Variants in HDAC9 observed in about 807,000 individuals in gnomAD.
The protein encoded by HDAC9 is MEF-2 interacting transcription repressor (MITR) protein.
In HDAC9, 41 loss-of-function variants were observed where a neutral mutation model predicts 139.4. The observed-to-expected ratio is 0.29, with a 90% CI of 0.23 to 0.38. The LOEUF (loss-of-function observed/expected upper bound fraction) is 0.38. Ranked by LOEUF, HDAC9 falls within the 10% of genes least tolerant of loss-of-function variation. HDAC9 has a pLI of 1.00. For missense variants in HDAC9, 1,147 were observed against 1,297.0 expected (o/e 0.88, Z 1.78); for synonymous variants, 517 against 476.2 (o/e 1.09, Z -1.12).
At chr7:18,558,954 T>C (rs928446183) in intron 2 of HDAC9, among the ~76,000 whole-genome samples, 6 of 152,120 alleles carry the variant, frequency 3.9e-5, no homozygotes, top group African/African-American at 1.2e-4. Context: ...AGTGGTGACA[T>C]TGGGAAGTGA....
At chr7:18,668,290 G>T (rs1182512676) in intron 12 of HDAC9, 1 of 958,504 alleles carries the variant, frequency 1.0e-6, no homozygotes, top group African/African-American at 1.8e-5. Flanking sequence ...AACATATTTT[G>T]GTTAGTATAT....
chr7:18,096,196 A>G (rs555859189), intron 1 of HDAC9, among the ~76,000 whole-genome samples: 121 of 152,312 alleles, frequency 7.9e-4, no homozygotes, highest in African/African-American at 2.6e-3. Flanking sequence ...CAGAGATAGG[A>G]TGCATGCATT....
At chr7:18,643,477 C>T (rs1026820660) in intron 8 of HDAC9, among the ~76,000 whole-genome samples, 5 of 152,050 alleles carry the variant, frequency 3.3e-5, no homozygotes, top group African/African-American at 9.7e-5. Context: ...ACCTTGTGCT[C>T]TTATTATGTT....
chr7:18,204,291 T>C lies in HDAC9; in HGVS notation c.25+41942T>C, dbSNP rs1791342003. On this transcript the variant is annotated intron_variant, in intron 2 of 12. Coordinates refer to the HDAC9 transcript ENST00000417496. ...TACAGACAGATTTATAAAGTTTTGCTATTACAAATTATGGCACCACAAATA... is the reference window on the plus strand; with the variant it reads ...TACAGACAGATTTATAAAGTTTTGCCATTACAAATTATGGCACCACAAATA... 4.0e-5 allele frequency among the ~76,000 whole-genome samples: 6 copies of C among 151,802 alleles called. 1 individual carries two copies. The South Asian group carries it at 1.2e-3, about 31-fold the overall frequency.
chr7:18,133,070 G>A (rs1264188980), intron 1 of HDAC9, among the ~76,000 whole-genome samples: 1 of 152,092 alleles, frequency 6.6e-6, no homozygotes, highest in Non-Finnish European at 1.5e-5. Flanking sequence ...TGGTCTGTTT[G>A]TCAAGGAAAG....
intron 16 of HDAC9, among the ~76,000 whole-genome samples, chr7:18,768,395 G>C (rs1271629869): frequency 6.6e-6 from 1 of 152,108 alleles, no homozygotes; most frequent in East Asian, 1.9e-4. Context: ...CAGCGCAGCA[G>C]TGTGGCTGAT....
chr7:18,139,396 G>A (rs1040945172), intron 1 of HDAC9, among the ~76,000 whole-genome samples: 26 of 152,188 alleles, frequency 1.7e-4, no homozygotes, highest in African/African-American at 6.3e-4. Flanking sequence ...CAAAGTGTTG[G>A]GACTACAGGT....
chr7:18,252,921 A>G (rs769840078), intron 2 of HDAC9, among the ~76,000 whole-genome samples: 4 of 151,680 alleles, frequency 2.6e-5, no homozygotes, highest in Admixed American at 1.3e-4. Context: ...TCCCTCTTCC[A>G]TCCTCCACCC....
intron 11 of HDAC9, among the ~76,000 whole-genome samples, chr7:18,661,535 T>C (rs1793133844): frequency 6.6e-6 from 1 of 152,108 alleles, no homozygotes; most frequent in African/African-American, 2.4e-5. Flanking sequence ...CTACTCTTTT[T>C]TTTTAAATCA....
chr7:18,640,382 A>G (rs1323334307), intron 8 of HDAC9, among the ~76,000 whole-genome samples: 1 of 150,176 alleles, frequency 6.7e-6, no homozygotes, highest in African/African-American at 2.4e-5. Context: ...AAAAAAAAAA[A>G]AAAAGGAAAA....
At position 18,655,468 on chromosome 7, in the gene HDAC9, C is replaced by T. The variant is rs184735557; in HGVS notation, c.1467+6785C>T. On this transcript the variant is annotated intron_variant, in intron 11 of 25. Transcript: ENST00000686413. ...CAATATAAATAGATTCTTTTAAATA[C>T]GTAGTACTAGGTCTCCAAAAAAATC... Among the ~76,000 whole-genome samples the T allele has an allele frequency of 6.6e-5, 10 of 152,160 alleles. No homozygotes were observed. In the East Asian group the frequency reaches 1.6e-3, roughly 24 times the overall value.
intron 2 of HDAC9, among the ~76,000 whole-genome samples, chr7:18,535,977 A>G (rs1383819782): frequency 6.6e-6 from 1 of 152,156 alleles, no homozygotes; most frequent in Admixed American, 6.5e-5. Context: ...GCCCCACTCA[A>G]ACCTCCCAGG....
intron 2 of HDAC9, chr7:18,509,389 C>A (rs1003072153): frequency 4.1e-6 from 4 of 985,336 alleles, no homozygotes; most frequent in Non-Finnish European, 4.8e-6. Context: ...AGACTGAGAC[C>A]GAGCCAAACT....
chr7:18,970,933 G>A (rs563428137), intron 24 of HDAC9, among the ~76,000 whole-genome samples: 84 of 152,262 alleles, frequency 5.5e-4, no homozygotes, highest in African/African-American at 1.9e-3. Flanking sequence ...GAAAACTTTT[G>A]GTAGATAGGT....
chr7:18,651,529 A>G (rs1789257558), intron 11 of HDAC9, among the ~76,000 whole-genome samples: 1 of 152,154 alleles, frequency 6.6e-6, no homozygotes, highest in African/African-American at 2.4e-5. Context: ...ATTTGTAGTA[A>G]TGTGTTTGAA....
At chr7:18,641,882 A>G (rs1483800494) in intron 8 of HDAC9, among the ~76,000 whole-genome samples, 1 of 152,112 alleles carries the variant, frequency 6.6e-6, no homozygotes, top group Non-Finnish European at 1.5e-5. Flanking sequence ...AGCAGTGTAG[A>G]CTATGGCTCC....
intron 2 of HDAC9, among the ~76,000 whole-genome samples, chr7:18,187,226 A>G (rs1314194335): frequency 6.6e-6 from 1 of 152,242 alleles, no homozygotes; most frequent in African/African-American, 2.4e-5. Context: ...ACAAAGTGTT[A>G]CATATAATCT....
At chr7:18,790,679 A>T (rs1476560388) in intron 16 of HDAC9, among the ~76,000 whole-genome samples, 2 of 152,206 alleles carry the variant, frequency 1.3e-5, no homozygotes, top group Non-Finnish European at 2.9e-5. Flanking sequence ...GTTTATAAGC[A>T]TTTATAAACT....
chr7:18,300,422 A>G (rs1798459714), intron 1 of HDAC9, among the ~76,000 whole-genome samples: 1 of 152,164 alleles, frequency 6.6e-6, no homozygotes, highest in Non-Finnish European at 1.5e-5. Context: ...TGACTTATCA[A>G]TACCTTCATG....
Sources: allele counts gnomAD v4.1 joint callset (sites outside exome capture counted in the v4.1 genomes callset), GRCh38; gene constraint gnomAD v4.1.1; transcripts MANE v1.5; gene names NCBI Gene and HGNC (gene_info 2026-07-23, HGNC 2026-07-21).